The following APIP variants were observed in gnomAD, a reference collection of about 807,000 sequenced individuals.
APIP encodes the protein methylthioribulose-1-phosphate dehydratase.
In APIP, 32 loss-of-function variants were observed where a neutral mutation model predicts 32.0. The ratio of observed to expected loss-of-function variants is 1.00; its 90% CI spans 0.76 to 1.34. The LOEUF is 1.34. Ranked by LOEUF, APIP falls within the 40% of genes most tolerant of loss-of-function variation. APIP has a pLI of 0.00. For synonymous variants in APIP, 92 were observed against 94.8 expected (o/e 0.97, Z 0.17); for missense variants, 247 against 298.6 (o/e 0.83, Z 1.27).
intron 1 of APIP, among the ~76,000 whole-genome samples, chr11:34,901,168 G>C (rs1853363962): frequency 6.6e-6 from 1 of 152,092 alleles, no homozygotes; most frequent in Admixed American, 6.5e-5. Flanking sequence ...GGCTCTAGTA[G>C]CAGTGGTGCA....
intron 1 of APIP, among the ~76,000 whole-genome samples, chr11:34,897,722 A>T (rs1853301992): frequency 6.6e-6 from 1 of 152,104 alleles, no homozygotes; most frequent in Non-Finnish European, 1.5e-5. Flanking sequence ...TCTTGTCACC[A>T]TGTGTGTCAA....
intron 1 of APIP, among the ~76,000 whole-genome samples, chr11:34,902,618 C>T (rs1853386083): frequency 6.6e-6 from 1 of 152,160 alleles, no homozygotes; most frequent in Admixed American, 6.5e-5. Flanking sequence ...CTATGGATAC[C>T]TGGGTATGGT....
intron 5 of APIP, among the ~76,000 whole-genome samples, chr11:34,884,425 T>C (rs948075087): frequency 2.6e-5 from 4 of 152,220 alleles, no homozygotes; most frequent in Admixed American, 2.0e-4. Context: ...GAGGTAATTA[T>C]AGACTATCCT....
intron 1 of APIP, among the ~76,000 whole-genome samples, chr11:34,902,742 G>C (rs1330778230): frequency 1.3e-5 from 2 of 152,198 alleles, no homozygotes; most frequent in Non-Finnish European, 2.9e-5. Flanking sequence ...AGCAAGCCTT[G>C]CTCAAGGTGC....
intron 1 of APIP, among the ~76,000 whole-genome samples, chr11:34,896,290 C>T (rs941794885): frequency 1.3e-5 from 2 of 152,134 alleles, no homozygotes; most frequent in Non-Finnish European, 2.9e-5. Context: ...TACTGCAGCA[C>T]TATTTACAAT....
At chr11:34,898,607 G>A (rs898755601) in intron 1 of APIP, among the ~76,000 whole-genome samples, 1 of 151,738 alleles carries the variant, frequency 6.6e-6, no homozygotes, top group Non-Finnish European at 1.5e-5. Flanking sequence ...TTAGTAACCA[G>A]GAGTTTAGCT....
intron 1 of APIP, among the ~76,000 whole-genome samples, chr11:34,895,480 C>A (rs984230606): frequency 6.6e-6 from 1 of 152,108 alleles, no homozygotes; most frequent in Admixed American, 6.6e-5. Context: ...ACACAAAACA[C>A]CTTATTTAAC....
At chr11:34,904,898 C>T (rs1404992518) in intron 1 of APIP, among the ~76,000 whole-genome samples, 1 of 152,212 alleles carries the variant, frequency 6.6e-6, no homozygotes, top group Non-Finnish European at 1.5e-5. Flanking sequence ...AGCTGAAAAT[C>T]ACAAAAGTAA....
intron 1 of APIP, among the ~76,000 whole-genome samples, chr11:34,913,478 G>T (rs955309436): frequency 6.6e-6 from 1 of 152,114 alleles, no homozygotes; most frequent in Non-Finnish European, 1.5e-5. Flanking sequence ...GACTTTCACA[G>T]TGAGTGTTAC....
At chr11:34,892,921 T>C (rs1157606851) in intron 2 of APIP, among the ~76,000 whole-genome samples, 2 of 152,062 alleles carry the variant, frequency 1.3e-5, no homozygotes, top group Non-Finnish European at 2.9e-5. Context: ...ATTTAAATAT[T>C]AGGGAAAAAA....
chr11:34,891,335 C>T lies in APIP; in HGVS notation c.159-783G>A, dbSNP rs148797667. 8.9e-4 allele frequency among the ~76,000 whole-genome samples: 136 copies of T among 152,246 alleles called. 2 individuals carry two copies. In the East Asian group the frequency reaches 0.022, roughly 25 times the overall value. ...CCACCCTCAACAACAACTAAACAAA[C>T]GTCCCTTGGCTCACATATCAGGTTT... On this transcript the variant is annotated intron_variant, in intron 2 of 6. Transcript: ENST00000395787.
chr11:34,908,465 C>G (rs1206457145), intron 1 of APIP, among the ~76,000 whole-genome samples: 3 of 152,204 alleles, frequency 2.0e-5, no homozygotes, highest in Non-Finnish European at 4.4e-5. Flanking sequence ...ACTTGTCTCT[C>G]TATGCATCTT....
At chr11:34,887,193 T>C (rs1454625588) in intron 5 of APIP, among the ~76,000 whole-genome samples, 1 of 93,606 alleles carries the variant, frequency 1.1e-5, no homozygotes, top group Non-Finnish European at 2.8e-5. Context: ...CTCCACAAAA[T>C]TGCAAAGACT....
chr11:34,894,479 A>AAC (rs1175420660), intron 2 of APIP, among the ~76,000 whole-genome samples: 2 of 151,008 alleles, frequency 1.3e-5, no homozygotes, highest in Non-Finnish European at 3.0e-5. Context: ...AAAAAAAAAA[A>AAC]AAAAAAAACC....
chr11:34,896,794 T>G (rs1030126338), intron 1 of APIP: 2 of 1,287,826 alleles, frequency 1.6e-6, no homozygotes, highest in African/African-American at 3.0e-5. Flanking sequence ...GCCAGAATGT[T>G]CCTGAAGGTA....
intron 1 of APIP, 29 bp from the exon 2 acceptor site, chr11:34,895,139 C>A: frequency 6.4e-7 from 1 of 1,571,966 alleles, no homozygotes; most frequent in African/African-American, 1.3e-5. Context: ...ATTTTTAAAA[C>A]AGACATCATT....
At chr11:34,883,600 C>T in intron 5 of APIP, 96 bp from the exon 6 acceptor site, 1 of 1,215,812 alleles carries the variant, frequency 8.2e-7, no homozygotes, top group Non-Finnish European at 1.1e-6. Context: ...GTTAGACATG[C>T]TGTTTGTGTC....
intron 1 of APIP, among the ~76,000 whole-genome samples, chr11:34,898,326 G>C (rs1853313136): frequency 1.3e-5 from 2 of 152,118 alleles, no homozygotes; most frequent in Non-Finnish European, 2.9e-5. Context: ...TGCTGGTGGA[G>C]AACACGGAGA....
At chr11:34,890,596 C>A (rs1312629981) in intron 2 of APIP, 44 bp from the exon 3 acceptor site, 1 of 1,600,464 alleles carries the variant, frequency 6.2e-7, no homozygotes, top group South Asian at 1.1e-5. Flanking sequence ...TTATTTCCTG[C>A]TTTTGCACAA....
Sources: allele counts gnomAD v4.1 joint callset (sites outside exome capture counted in the v4.1 genomes callset), GRCh38; gene constraint gnomAD v4.1.1; transcripts MANE v1.5; gene names NCBI Gene and HGNC (gene_info 2026-07-23, HGNC 2026-07-21).